The following IL6R variants were observed in gnomAD, a reference collection of about 807,000 sequenced individuals.
IL6R encodes interleukin 6 receptor.
In IL6R, 38 loss-of-function variants were observed where a neutral mutation model predicts 48.3. The observed-to-expected ratio is 0.79, with a 90% CI of 0.61 to 1.03. The LOEUF is 1.03. Ranked by LOEUF, IL6R falls within the 50% of genes least tolerant of loss-of-function variation. The pLI is 0.00. For missense variants in IL6R, 534 were observed against 618.3 expected (o/e 0.86, Z 1.45); for synonymous variants, 264 against 256.2 (o/e 1.03, Z -0.29).
chr1:154,425,009 T>G (rs1688883730), intron 1 of IL6R, among the ~76,000 whole-genome samples: 1 of 152,138 alleles, frequency 6.6e-6, no homozygotes. Flanking sequence ...GGGGGCTGCA[T>G]GCACCGGTAA....
At position 154,429,127 on chromosome 1, in the gene IL6R, C is replaced by G. The variant is rs1387173974; in HGVS notation, c.86-69C>G. On this transcript the variant is annotated intron_variant, in intron 1 of 9. Transcript: ENST00000368485. ...TTATCACTGAGGCCTCTCGTGGCTT[C>G]CTCAGACCAGAACGAAGCCCCCTTC... 4.5e-6 allele frequency: 7 copies of G among 1,547,140 alleles called. No homozygotes were observed. In the Admixed American group the frequency reaches 1.2e-4, roughly 27 times the overall value.
chr1:154,444,983 CT>C, intron 6 of IL6R: 2 of 424,018 alleles, frequency 4.7e-6, no homozygotes, highest in Non-Finnish European at 9.5e-6. Flanking sequence ...ATGAGGGGCG[CT>C]TTTGGCACCC....
chr1:154,436,163 A>C, intron 6 of IL6R, 53 bp downstream of exon 6: 1 of 1,551,118 alleles, frequency 6.4e-7, no homozygotes, highest in African/African-American at 1.4e-5. Flanking sequence ...TCATTGCATC[A>C]GGTATCCATT....
chr1:154,421,138 T>A (rs1200339335), intron 1 of IL6R, among the ~76,000 whole-genome samples: 2 of 152,160 alleles, frequency 1.3e-5, no homozygotes, highest in Non-Finnish European at 2.9e-5. Context: ...GTGCTCTTCC[T>A]CCCTCCTGCC....
intron 1 of IL6R, among the ~76,000 whole-genome samples, chr1:154,412,179 C>T (rs1045481616): frequency 2.6e-5 from 4 of 151,792 alleles, no homozygotes; most frequent in Non-Finnish European, 5.9e-5. Flanking sequence ...GATCTCCTGA[C>T]CTTGTGATCT....
intron 9 of IL6R, among the ~76,000 whole-genome samples, chr1:154,463,942 G>T (rs892243316): frequency 7.2e-5 from 11 of 152,114 alleles, no homozygotes; most frequent in African/African-American, 2.4e-4. Context: ...CCAGCATGGT[G>T]GGAGTGGACC....
At position 154,469,147 on chromosome 1, in the gene IL6R, T is replaced by G. The variant is rs1157118294; in HGVS notation, c.*3767T>G. The G allele has an allele frequency of 6.6e-6, 1 of 152,248 alleles. No homozygotes were observed. The highest frequency in any genetic ancestry group is 2.4e-5 in the African/African-American group (1 of 41,450). 9.4% of individuals were successfully genotyped at this position (152,248 alleles called of 1,614,324 possible). On this transcript the variant is annotated 3_prime_UTR_variant, in exon 10 of 10. Coordinates refer to ENST00000368485, the MANE Select transcript of IL6R (RefSeq NM_000565.4). ...TTATGAACATATGCTCAAATGAAATTCTACTTTAGGAGGAAAGGATTGGAA... is the reference window on the plus strand; with the variant it reads ...TTATGAACATATGCTCAAATGAAATGCTACTTTAGGAGGAAAGGATTGGAA...
intron 1 of IL6R, among the ~76,000 whole-genome samples, chr1:154,406,157 T>C (rs993405780): frequency 6.6e-6 from 1 of 152,118 alleles, no homozygotes; most frequent in Non-Finnish European, 1.5e-5. Context: ...TCCCTCTGCA[T>C]TGGGGGTCCA....
intron 3 of IL6R, among the ~76,000 whole-genome samples, chr1:154,433,896 T>G (rs915844420): frequency 9.2e-5 from 14 of 152,108 alleles, no homozygotes; most frequent in African/African-American, 3.1e-4. Flanking sequence ...TTTATTTTAT[T>G]TTTTGTATTT....
chr1:154,435,661 G>T (rs1036024561), intron 5 of IL6R, among the ~76,000 whole-genome samples: 1 of 152,232 alleles, frequency 6.6e-6, no homozygotes, highest in African/African-American at 2.4e-5. Context: ...GATAATGCCA[G>T]GCCAGTCTCC....
At chr1:154,437,930 G>T (rs1200763729) in intron 6 of IL6R, among the ~76,000 whole-genome samples, 3 of 151,012 alleles carry the variant, frequency 2.0e-5, no homozygotes, top group African/African-American at 7.3e-5. Context: ...TGGCCAGGCT[G>T]GTCTTGAACT....
At chr1:154,411,738 C>T (rs997440832) in intron 1 of IL6R, among the ~76,000 whole-genome samples, 1 of 152,122 alleles carries the variant, frequency 6.6e-6, no homozygotes, top group Non-Finnish European at 1.5e-5. Context: ...TGTGGTGTAT[C>T]ATGTCTGTCA....
In IL6R at chr1:154,466,625, A is replaced by C. The variant is rs564079019; in HGVS notation, c.*1245A>C. 2 of 153,052 alleles carry C rather than the reference A, an allele frequency of 1.3e-5. No homozygotes were observed. Among genetic ancestry groups the C allele is most frequent in the South Asian group, 4.1e-4 (2 of 4,840 alleles). 9.5% of individuals were successfully genotyped at this position (153,052 alleles called of 1,614,324 possible). On this transcript the variant is annotated 3_prime_UTR_variant, in exon 10 of 10. Coordinates refer to ENST00000368485, the MANE Select transcript of IL6R (RefSeq NM_000565.4). ...CACTTCGGGAGGTCGAGGCAGGAGG[A>C]TCACTTGAGTCCAGAAGTTTGAGAT... is the stretch of plus-strand genomic sequence containing the variant.
chr1:154,430,662 C>G, intron 3 of IL6R, 56 bp downstream of exon 3: 1 of 1,608,278 alleles, frequency 6.2e-7, no homozygotes. Flanking sequence ...CCGAGGCCCC[C>G]CAGAGAGGGG....
intron 8 of IL6R, among the ~76,000 whole-genome samples, chr1:154,452,810 C>CA (rs879647346): frequency 2.2e-3 from 251 of 113,764 alleles, no homozygotes; most frequent in East Asian, 8.2e-3. Context: ...GACTCCGTCT[C>CA]AAAAAAAAAA....
At chr1:154,433,320 G>C (rs1570959473) in intron 3 of IL6R, among the ~76,000 whole-genome samples, 1 of 152,342 alleles carries the variant, frequency 6.6e-6, no homozygotes, top group East Asian at 1.9e-4. Flanking sequence ...TGTGTCATAA[G>C]AGGGTGAAGC....
intron 6 of IL6R, among the ~76,000 whole-genome samples, chr1:154,436,426 C>T (rs982137277): frequency 9.2e-5 from 14 of 152,114 alleles, no homozygotes; most frequent in African/African-American, 3.1e-4. Flanking sequence ...TGCAGTGAGC[C>T]GAAATCGCGC....
intron 6 of IL6R, among the ~76,000 whole-genome samples, chr1:154,447,673 T>C (rs939356359): frequency 2.0e-5 from 3 of 151,596 alleles, no homozygotes; most frequent in African/African-American, 4.9e-5. Flanking sequence ...TTTGGTTATT[T>C]CCAGCATGCT....
At chr1:154,459,508 A>G (rs1691117522) in intron 9 of IL6R, among the ~76,000 whole-genome samples, 1 of 152,194 alleles carries the variant, frequency 6.6e-6, no homozygotes, top group African/African-American at 2.4e-5. Flanking sequence ...CATGGTTACC[A>G]TGGGATGGCC....
Sources: allele counts gnomAD v4.1 joint callset (sites outside exome capture counted in the v4.1 genomes callset), GRCh38; gene constraint gnomAD v4.1.1; transcripts MANE v1.5; gene names NCBI Gene and HGNC (gene_info 2026-07-23, HGNC 2026-07-21).